The following HERC1 variants were observed in gnomAD, a reference collection of about 807,000 sequenced individuals.
HERC1 encodes HECT and RLD domain containing E3 ubiquitin protein ligase family member 1.
HERC1 carries 160 observed loss-of-function variants against 554.3 expected under a neutral mutation model. The observed-to-expected ratio is 0.29, with a 90% CI of 0.25 to 0.33. The LOEUF is 0.33. Among genes scored for constraint, HERC1 ranks in the 10% least tolerant of loss-of-function variants. The probability of loss-of-function intolerance (pLI) is 1.00; values close to 1 mark genes in which losing one functional copy is unlikely to be tolerated. For missense variants in HERC1, 4,919 were observed against 5,918.5 expected (o/e 0.83, Z 5.54); for synonymous variants, 2,175 against 2,131.7 (o/e 1.02, Z -0.56).
At chr15:63,630,347 G>A (rs1280243033) in intron 69 of HERC1, 119 bp downstream of exon 69, 1 of 999,602 alleles carries the variant, frequency 1.0e-6, no homozygotes, top group African/African-American at 1.6e-5. Flanking sequence ...CCATAGCAAA[G>A]TGATGTGCTT....
At chr15:63,623,346 C>T (rs4603505) in intron 73 of HERC1, among the ~76,000 whole-genome samples, 68,460 of 152,012 alleles carry the variant, frequency 0.45, 16,148 homozygotes, top group African/African-American at 0.55. Flanking sequence ...ATTTTTCTAA[C>T]TCCCCTGGAA....
intron 21 of HERC1, among the ~76,000 whole-genome samples, chr15:63,717,247 T>C (rs921657428): frequency 3.3e-5 from 5 of 152,302 alleles, no homozygotes; most frequent in Admixed American, 3.3e-4. Flanking sequence ...GTTTCAAATA[T>C]GAGCCTCAAC....
At chr15:63,636,842 C>A in intron 64 of HERC1, 1 of 192,176 alleles carries the variant, frequency 5.2e-6, no homozygotes, top group Non-Finnish European at 1.1e-5. Context: ...TGTGCAATGT[C>A]CCAGAGCCAA....
intron 1 of HERC1, among the ~76,000 whole-genome samples, chr15:63,778,308 T>G (rs536855264): frequency 1.5e-3 from 228 of 152,274 alleles, no homozygotes; most frequent in African/African-American, 5.0e-3. Context: ...CCAGAAAGAT[T>G]AAATCCACAC....
chr15:63,619,666 A>G (rs1024645525), intron 74 of HERC1, among the ~76,000 whole-genome samples: 1 of 152,162 alleles, frequency 6.6e-6, no homozygotes, highest in African/African-American at 2.4e-5. Flanking sequence ...TATTGCCTCA[A>G]TTTCAGAGCC....
intron 19 of HERC1, among the ~76,000 whole-genome samples, chr15:63,719,637 G>A (rs1434679091): frequency 1.3e-5 from 2 of 152,250 alleles, no homozygotes; most frequent in African/African-American, 4.8e-5. Flanking sequence ...TAATTCAAGT[G>A]AGAAATGATG....
At chr15:63,688,239 T>C in intron 33 of HERC1, among the ~76,000 whole-genome samples, 1 of 152,136 alleles carries the variant, frequency 6.6e-6, no homozygotes, top group South Asian at 2.1e-4. Flanking sequence ...GCCAACAGAA[T>C]CTAGAGATTG....
chr15:63,643,298 A>T (rs2069163072), intron 58 of HERC1, 106 bp downstream of exon 58: 1 of 1,004,126 alleles, frequency 1.0e-6, no homozygotes, highest in Admixed American at 2.8e-5. Flanking sequence ...TCAGTATTCA[A>T]GAGATTACTA....
rs553803449 is a variant in HERC1, at chr15:63,753,208, A to G, written c.1775-123T>C. The G allele has an allele frequency of 5.2e-5, 31 of 598,710 alleles. No individual in the cohort carries two copies. In the East Asian group the frequency reaches 1.0e-3, roughly 20 times the overall value. The allele number at this position is 598,710 out of a possible 1,614,324, so 37.1% of individuals were successfully genotyped here. On this transcript the variant is annotated intron_variant, in intron 7 of 77. Coordinates refer to ENST00000443617, the MANE Select transcript of HERC1 (RefSeq NM_003922.4). ...ACTAACCTGGCAGATATGAAAAGCTATGTTTCTGATAGCTGAGGATGTTAA... is the reference window on the plus strand; with the variant it reads ...ACTAACCTGGCAGATATGAAAAGCTGTGTTTCTGATAGCTGAGGATGTTAA...
chr15:63,809,632 T>G (rs2077239702), intron 1 of HERC1, among the ~76,000 whole-genome samples: 1 of 152,124 alleles, frequency 6.6e-6, no homozygotes, highest in Admixed American at 6.5e-5. Flanking sequence ...AGGAACAATA[T>G]ATTGAACTTG....
chr15:63,812,250 C>T (rs1205574313), intron 1 of HERC1, among the ~76,000 whole-genome samples: 1 of 152,196 alleles, frequency 6.6e-6, no homozygotes, highest in East Asian at 1.9e-4. Flanking sequence ...CACCAAAAAT[C>T]ATAGGAAGAC....
At chr15:63,742,380 A>AGT (rs554177245) in intron 12 of HERC1, among the ~76,000 whole-genome samples, 1 of 152,064 alleles carries the variant, frequency 6.6e-6, no homozygotes, top group South Asian at 2.1e-4. Context: ...GTTGTGTATG[A>AGT]GTGTGTGTGT....
chr15:63,739,727 T>C (rs1312911886), intron 12 of HERC1, among the ~76,000 whole-genome samples: 1 of 151,888 alleles, frequency 6.6e-6, no homozygotes, highest in Non-Finnish European at 1.5e-5. Flanking sequence ...CAGTCCCGGC[T>C]ACTCGGGAGG....
chr15:63,723,105 C>T, intron 19 of HERC1, 77 bp downstream of exon 19: 1 of 896,502 alleles, frequency 1.1e-6, no homozygotes, highest in Non-Finnish European at 1.5e-6. Context: ...ATAATTTTCA[C>T]TTACATATAT....
chr15:63,638,754 C>G lies in HERC1; in HGVS notation c.11924G>C (p.Gly3975Ala). The change falls in exon 62 of 78, where the codon GGC (glycine) becomes GCC (alanine). Residue 3975 changes from glycine (G) to alanine (A), a missense_variant. Physicochemically the swap from Gly to Ala is moderately conservative, Grantham distance 60. Transcript: ENST00000443617. Reference protein sequence around the residue: ...FLMDNSKWINGMDEQIMSWAT... With the variant: ...FLMDNSKWINAMDEQIMSWAT... ...CCAAGACATAATTTGTTCATCCATG[C>G]CGTTAATCCATTTACTGTTATCCTG... 6.2e-7 allele frequency: 1 copy of G among 1,613,562 alleles called. No homozygotes were observed. Among genetic ancestry groups the G allele is most frequent in the African/African-American group, 1.3e-5 (1 of 75,036 alleles).
At chr15:63,704,499 C>G (rs1011164774) in intron 25 of HERC1, among the ~76,000 whole-genome samples, 4 of 152,122 alleles carry the variant, frequency 2.6e-5, no homozygotes, top group African/African-American at 9.7e-5. Context: ...CTCAGTAAGT[C>G]TGGAGCCATT....
Position 63,721,986 on chromosome 15 carries a change from G to A in HERC1, c.3742+1196C>T, listed in dbSNP as rs1333910221. On this transcript the variant is annotated intron_variant, in intron 19 of 77. Transcript: ENST00000443617. The stretch of plus-strand genomic sequence containing the variant: ...AGTGATTGTTGTCCTTTAGCCTCCC[G>A]AGTAGCTGGGATTACAGGCACACGC... 3.3e-5 allele frequency among the ~76,000 whole-genome samples: 5 copies of A among 152,058 alleles called. No individual in the cohort carries two copies. In the East Asian group the frequency reaches 7.7e-4, roughly 23 times the overall value.
intron 1 of HERC1, among the ~76,000 whole-genome samples, chr15:63,793,166 G>C (rs534913712): frequency 1.1e-4 from 17 of 152,340 alleles, no homozygotes; most frequent in Admixed American, 7.8e-4. Context: ...ATCTTGAGTA[G>C]GGACTGTGTA....
Position 63,680,295 on chromosome 15 carries a change from G to A in HERC1, c.6466-135C>T. 1.3e-6 allele frequency: 1 copy of A among 757,832 alleles called. No individual in the cohort carries two copies. The highest frequency in any genetic ancestry group is 2.1e-6 in the Non-Finnish European group (1 of 479,640). 46.9% of individuals were successfully genotyped at this position (757,832 alleles called of 1,614,324 possible). On this transcript the variant is annotated intron_variant, in intron 35 of 77. Coordinates refer to ENST00000443617, the MANE Select transcript of HERC1 (RefSeq NM_003922.4). The surrounding 1 kb of genome is among the most constrained non-coding windows in gnomAD (Gnocchi z 5.8). ...CTAGATCAAATTCTCAATTAACCTT[G>A]CTAACCGAGAAAATTCTACATATAA...
Sources: allele counts gnomAD v4.1 joint callset (sites outside exome capture counted in the v4.1 genomes callset), GRCh38; gene constraint gnomAD v4.1.1; non-coding constraint Gnocchi (gnomAD v3.1); transcripts MANE v1.5; gene names NCBI Gene and HGNC (gene_info 2026-07-23, HGNC 2026-07-21).